The following TRPM7 variants were observed in gnomAD, a reference collection of about 807,000 sequenced individuals.
TRPM7 encodes the protein transient receptor potential cation channel subfamily M member 7, also known as LTRPC ion channel family member 7.
Under a neutral mutation model 229.7 loss-of-function variants are expected in TRPM7, and 134 were observed. That is an observed-to-expected ratio of 0.58 (90% CI 0.51 to 0.67). The LOEUF (loss-of-function observed/expected upper bound fraction) is 0.67. Among genes scored for constraint, TRPM7 ranks in the 30% least tolerant of loss-of-function variants. The probability of loss-of-function intolerance (pLI) is 0.00; values close to 1 mark genes in which losing one functional copy is unlikely to be tolerated. For missense variants in TRPM7, 1,901 were observed against 2,210.0 expected (o/e 0.86, Z 2.80); for synonymous variants, 699 against 715.2 (o/e 0.98, Z 0.36).
chr15:50,583,188 G>T, intron 28 of TRPM7, 29 bp from the exon 29 acceptor site: 1 of 1,534,054 alleles, frequency 6.5e-7, no homozygotes, highest in Non-Finnish European at 8.9e-7. Context: ...ATATAAAAAA[G>T]CTACACAACT....
Position 50,561,674 on chromosome 15 carries a change from AATATT to A in TRPM7, c.5597_*3del. 6.2e-7 allele frequency: 1 copy of A among 1,603,784 alleles called. No individual in the cohort carries two copies. The highest frequency in any genetic ancestry group is 8.5e-7 in the Non-Finnish European group (1 of 1,177,628). On this transcript the variant is annotated stop_lost and 3_prime_UTR_variant, in exon 39 of 39. Coordinates refer to ENST00000646667, the MANE Select transcript of TRPM7 (RefSeq NM_017672.6). ...GCAAAACCAATGATTCAGTAATATTAATATTATAACATCAGACGAACAGAATTAGT... is the reference window on the plus strand; with the variant it reads ...GCAAAACCAATGATTCAGTAATATTAATAACATCAGACGAACAGAATTAGT...
At position 50,586,465 on chromosome 15, in the gene TRPM7, A is replaced by G; in HGVS notation, c.4413T>C (p.Thr1471=). 1 of 1,612,342 alleles carries G rather than the reference A, an allele frequency of 6.2e-7. No individual in the cohort carries two copies. The highest frequency in any genetic ancestry group is 1.1e-5 in the South Asian group (1 of 90,980). Residue 1471 remains threonine (T), a synonymous_variant, in exon 28 of 39, where the codon ACT becomes ACC. Transcript: ENST00000646667. Reference sequence around the variant, plus strand: ...CAGCAAGAGAACTCACTCGTTTCAAAGTGTTTTCAGAAGTATTGTTATTCT... The same window carrying G: ...CAGCAAGAGAACTCACTCGTTTCAAGGTGTTTTCAGAAGTATTGTTATTCT... The part of the protein sequence containing the change: ...ILSNNNTSEN[T]LKRVSSLAGF...
chr15:50,603,696 T>C (rs1173160436), intron 21 of TRPM7, among the ~76,000 whole-genome samples: 3 of 152,232 alleles, frequency 2.0e-5, no homozygotes, highest in African/African-American at 4.8e-5. Flanking sequence ...CCGCATTTTC[T>C]TAATCCAGTC....
rs746122680 is a variant in TRPM7 at position 50,669,179 on chromosome 15, C to T, written c.4-6133G>A. ...GCTCATGGCTGAGCGTGGTGGCTCA[C>T]GCCTGTAATCACAGCACATTGGGAG... On this transcript the variant is annotated intron_variant, in intron 1 of 38. Transcript: ENST00000646667. 4.6e-5 allele frequency among the ~76,000 whole-genome samples: 7 copies of T among 152,192 alleles called. No homozygotes were observed. The East Asian group carries it at 7.7e-4, about 17-fold the overall frequency.
chr15:50,667,920 G>A (rs1251920505), intron 1 of TRPM7, among the ~76,000 whole-genome samples: 2 of 152,022 alleles, frequency 1.3e-5, no homozygotes, highest in African/African-American at 4.8e-5. Context: ...ATATGTTATT[G>A]GTATGTGTTC....
chr15:50,663,194 T>C (rs1037283377), intron 1 of TRPM7, 148 bp from the exon 2 acceptor site: 2 of 618,436 alleles, frequency 3.2e-6, no homozygotes, highest in Non-Finnish European at 5.5e-6. Context: ...AATGGTGTGA[T>C]CTTGGCTCAC....
chr15:50,580,472 A>G (rs192746184), intron 30 of TRPM7, among the ~76,000 whole-genome samples: 1 of 152,296 alleles, frequency 6.6e-6, no homozygotes, highest in East Asian at 1.9e-4. Flanking sequence ...TAATCATCAA[A>G]GTGCTTACCA....
At chr15:50,573,923 G>A (rs1269488158) in intron 36 of TRPM7, among the ~76,000 whole-genome samples, 2 of 152,094 alleles carry the variant, frequency 1.3e-5, no homozygotes, top group Non-Finnish European at 2.9e-5. Flanking sequence ...TGGGCGTGGT[G>A]GCAGGTGCCT....
rs866120938 is a variant in TRPM7 at position 50,589,215 on chromosome 15, A to C, written c.4389+377T>G. Among the ~76,000 whole-genome samples the C allele has an allele frequency of 2.1e-4, 32 of 151,616 alleles. No individual in the cohort carries two copies. In the Middle Eastern group the frequency reaches 0.014, roughly 65 times the overall value. On this transcript the variant is annotated intron_variant, in intron 27 of 38. Transcript: ENST00000646667. ...TGCGCACCTGTAATCCCAGCTACTC[A>C]AGAGGCTGAGGCAGGAGAATCACTT...
chr15:50,614,499 C>T (rs1462112376), intron 13 of TRPM7, among the ~76,000 whole-genome samples: 1 of 151,922 alleles, frequency 6.6e-6, no homozygotes, highest in Non-Finnish European at 1.5e-5. Flanking sequence ...CCCTTCTCTA[C>T]TAAAAATACA....
chr15:50,603,172 C>T (rs775617424), intron 21 of TRPM7, among the ~76,000 whole-genome samples: 1 of 152,094 alleles, frequency 6.6e-6, no homozygotes, highest in Non-Finnish European at 1.5e-5. Context: ...AAGACACATT[C>T]TCTTGGAGGG....
chr15:50,677,399 T>C (rs2062116987), intron 1 of TRPM7, among the ~76,000 whole-genome samples: 2 of 151,642 alleles, frequency 1.3e-5, no homozygotes. Flanking sequence ...TCACATTCAG[T>C]ACATAACAAC....
chr15:50,579,039 A>G (rs1399579156), intron 30 of TRPM7, among the ~76,000 whole-genome samples: 1 of 152,204 alleles, frequency 6.6e-6, no homozygotes, highest in African/African-American at 2.4e-5. Context: ...GGATGCTAGA[A>G]ATATTTCAAT....
At chr15:50,578,588 A>C (rs1207887625) in intron 31 of TRPM7, 51 bp downstream of exon 31, 1 of 1,565,130 alleles carries the variant, frequency 6.4e-7, no homozygotes. Flanking sequence ...GCTGTAACAG[A>C]TCATGTAAGA....
chr15:50,586,410 GA>G lies in TRPM7; in HGVS notation c.4467del (p.Pro1490LeufsTer22). 3 of 1,610,208 alleles carry G rather than the reference GA, an allele frequency of 1.9e-6. No homozygotes were observed. Among genetic ancestry groups the G allele is most frequent in the Non-Finnish European group, 2.5e-6 (3 of 1,176,632 alleles). ...TACTCACCTTGTTTTGAATGAACAG[GA>G]ATGGAAGTTCTGTGACAGTCAGTAA... is the stretch of plus-strand genomic sequence containing the variant. ...AGFTDCHRTSIPVHSKQAEKI... is the reference protein window; with the variant it reads ...AGFTDCHRTSXPVHSKQAEKI... On this transcript the variant is annotated frameshift_variant, in exon 28 of 39. Coordinates refer to ENST00000646667, the MANE Select transcript of TRPM7 (RefSeq NM_017672.6). LOFTEE classifies it high-confidence loss of function.
chr15:50,668,815 GATATTTGT>G (rs143343163), intron 1 of TRPM7, among the ~76,000 whole-genome samples: 4,760 of 152,136 alleles, frequency 0.031, 97 homozygotes, highest in Middle Eastern at 0.096. Flanking sequence ...GCCTACAATA[GATATTTGT>G]ATAAGTGCAG....
intron 4 of TRPM7, among the ~76,000 whole-genome samples, chr15:50,644,511 G>A (rs889921849): frequency 2.6e-5 from 4 of 152,132 alleles, no homozygotes; most frequent in African/African-American, 9.7e-5. Context: ...ACAAACAAAT[G>A]AAGCCAAAAG....
intron 22 of TRPM7, among the ~76,000 whole-genome samples, chr15:50,598,827 C>G (rs527560118): frequency 1.3e-5 from 2 of 152,266 alleles, no homozygotes; most frequent in Non-Finnish European, 2.9e-5. Context: ...TATGAATTAA[C>G]CAACCCTAAA....
chr15:50,612,485 A>G (rs2060087949), intron 16 of TRPM7, 64 bp downstream of exon 16: 1 of 1,460,774 alleles, frequency 6.8e-7, no homozygotes, highest in Admixed American at 1.9e-5. Flanking sequence ...GCACTGTAAC[A>G]GCCACTCAAA....
Sources: allele counts gnomAD v4.1 joint callset (sites outside exome capture counted in the v4.1 genomes callset), GRCh38; gene constraint gnomAD v4.1.1; transcripts MANE v1.5; gene names NCBI Gene and HGNC (gene_info 2026-07-23, HGNC 2026-07-21).